MYO3B: variants seen among roughly 807,000 people sequenced by gnomAD.
MYO3B encodes myosin IIIB, also known as myosin-IIIb.
MYO3B carries 156 observed loss-of-function variants against 174.6 expected under a neutral mutation model. The observed-to-expected ratio is 0.89, with a 90% CI of 0.78 to 1.02. The LOEUF (loss-of-function observed/expected upper bound fraction) is 1.02, where lower values mean the gene tolerates loss of function less well. Among genes scored for constraint, MYO3B ranks in the 50% least tolerant of loss-of-function variants. The pLI is 0.00. For synonymous variants in MYO3B, 563 were observed against 569.1 expected (o/e 0.99, Z 0.15); for missense variants, 1,632 against 1,639.4 (o/e 1.00, Z 0.08).
intron 6 of MYO3B, among the ~76,000 whole-genome samples, chr2:170,217,706 T>G (rs2092846331): frequency 6.6e-6 from 1 of 152,160 alleles, no homozygotes; most frequent in Non-Finnish European, 1.5e-5. Flanking sequence ...TTAGAAAAAG[T>G]CAACTTCCCT....
chr2:170,626,946 G>T (rs890235315), intron 32 of MYO3B, among the ~76,000 whole-genome samples: 18 of 152,070 alleles, frequency 1.2e-4, no homozygotes, highest in Non-Finnish European at 2.5e-4. Flanking sequence ...TCCCTTTGTG[G>T]GTAACCCGAC....
chr2:170,194,462 G>A (rs1168740967), intron 1 of MYO3B, among the ~76,000 whole-genome samples: 1 of 151,280 alleles, frequency 6.6e-6, no homozygotes, highest in African/African-American at 2.4e-5. Flanking sequence ...CCATGATTGT[G>A]CCACTGCACT....
intron 30 of MYO3B, among the ~76,000 whole-genome samples, chr2:170,540,910 G>A (rs1690056532): frequency 6.6e-6 from 1 of 152,060 alleles, no homozygotes; most frequent in East Asian, 1.9e-4. Flanking sequence ...AAAGTTGCCG[G>A]AAAGCCTCTC....
intron 25 of MYO3B, among the ~76,000 whole-genome samples, chr2:170,472,508 G>GCATT: frequency 6.6e-6 from 1 of 152,164 alleles, no homozygotes; most frequent in East Asian, 1.9e-4. Context: ...CTTTGACCAG[G>GCATT]CATTAACTTT....
intron 1 of MYO3B, among the ~76,000 whole-genome samples, chr2:170,196,629 A>T (rs1296069941): frequency 6.6e-6 from 1 of 152,062 alleles, no homozygotes; most frequent in African/African-American, 2.4e-5. Context: ...TTCTCTGTCC[A>T]TTTTTCTCTA....
chr2:170,196,459 G>C (rs1364528), intron 1 of MYO3B, among the ~76,000 whole-genome samples: 2 of 151,994 alleles, frequency 1.3e-5, no homozygotes, highest in South Asian at 2.1e-4. Context: ...GAGGCTACAG[G>C]GGGTGGTGAT....
chr2:170,200,012 A>AG, intron 2 of MYO3B, 138 bp from the exon 3 acceptor site: 1 of 672,762 alleles, frequency 1.5e-6, no homozygotes. Context: ...GTCCATTGTT[A>AG]GATATTTTGA....
At chr2:170,282,339 A>T (rs1006160356) in intron 7 of MYO3B, among the ~76,000 whole-genome samples, 2 of 152,158 alleles carry the variant, frequency 1.3e-5, no homozygotes, top group Admixed American at 1.3e-4. Flanking sequence ...CAATTTTCCC[A>T]GCACCACTTA....
chr2:170,547,251 A>G (rs923683724), intron 32 of MYO3B, among the ~76,000 whole-genome samples: 2 of 151,544 alleles, frequency 1.3e-5, no homozygotes, highest in Non-Finnish European at 2.9e-5. Flanking sequence ...AATGGCGTGA[A>G]CCTGGGAGGC....
chr2:170,450,902 A>T (rs1683562368), intron 23 of MYO3B, among the ~76,000 whole-genome samples: 1 of 152,160 alleles, frequency 6.6e-6, no homozygotes, highest in African/African-American at 2.4e-5. Context: ...AGCTATAGAA[A>T]AATACTAAAC....
chr2:170,214,335 A>C (rs756441164), intron 3 of MYO3B, 44 bp from the exon 4 acceptor site: 4 of 1,486,712 alleles, frequency 2.7e-6, no homozygotes, highest in Middle Eastern at 1.7e-4. Flanking sequence ...TCTTTTTCAC[A>C]TGTGGTCTCC....
chr2:170,237,246 G>T (rs2093080740), intron 7 of MYO3B, among the ~76,000 whole-genome samples: 1 of 152,152 alleles, frequency 6.6e-6, no homozygotes, highest in Admixed American at 6.5e-5. Context: ...GCTGCATTGT[G>T]TATAGTAATA....
At chr2:170,329,259 G>A (rs112260476) in intron 7 of MYO3B, among the ~76,000 whole-genome samples, 79,027 of 149,122 alleles carry the variant, frequency 0.53, 22,054 homozygotes, top group East Asian at 0.66. Flanking sequence ...GTGTGTGTGT[G>A]TATATATATA....
chr2:170,598,623 G>T (rs576218554), intron 32 of MYO3B, among the ~76,000 whole-genome samples: 1 of 152,118 alleles, frequency 6.6e-6, no homozygotes, highest in Non-Finnish European at 1.5e-5. Context: ...AGTCCATTGA[G>T]ACCACATGTG....
chr2:170,337,597 TA>T (rs1359768146), intron 8 of MYO3B, among the ~76,000 whole-genome samples: 2 of 152,312 alleles, frequency 1.3e-5, no homozygotes, highest in African/African-American at 2.4e-5. Flanking sequence ...AGTTGACTCT[TA>T]AACAATGCAG....
At chr2:170,419,762 G>C (rs1025570670) in intron 22 of MYO3B, among the ~76,000 whole-genome samples, 3 of 152,158 alleles carry the variant, frequency 2.0e-5, no homozygotes, top group Non-Finnish European at 4.4e-5. Context: ...CCACACCTAG[G>C]GAGCTAGCCT....
At chr2:170,199,795 T>A (rs1043479539) in intron 2 of MYO3B, among the ~76,000 whole-genome samples, 2 of 152,204 alleles carry the variant, frequency 1.3e-5, no homozygotes, top group East Asian at 3.8e-4. Flanking sequence ...TTACATGTCC[T>A]ATCCTGTGAT....
At chr2:170,473,093 C>T (rs1235035693) in intron 25 of MYO3B, among the ~76,000 whole-genome samples, 1 of 150,352 alleles carries the variant, frequency 6.7e-6, no homozygotes, top group Non-Finnish European at 1.5e-5. Context: ...AAACTCTTAC[C>T]TCTTCTTTTT....
intron 7 of MYO3B, among the ~76,000 whole-genome samples, chr2:170,317,761 T>G (rs973730223): frequency 6.6e-6 from 1 of 152,158 alleles, no homozygotes; most frequent in South Asian, 2.1e-4. Flanking sequence ...CTGTGGGAAT[T>G]TATTCTTAAA....
Sources: allele counts gnomAD v4.1 joint callset (sites outside exome capture counted in the v4.1 genomes callset), GRCh38; gene constraint gnomAD v4.1.1; transcripts MANE v1.5; gene names NCBI Gene and HGNC (gene_info 2026-07-23, HGNC 2026-07-21).